The following SNTB1 variants were observed in gnomAD, a reference collection of about 807,000 sequenced individuals.
SNTB1 encodes syntrophin beta 1, also known as beta-1-syntrophin.
A neutral mutation model predicts 48.9 loss-of-function variants in SNTB1; 36 were observed. The ratio of observed to expected loss-of-function variants is 0.74; its 90% CI spans 0.56 to 0.97. The LOEUF (loss-of-function observed/expected upper bound fraction) is 0.97. Ranked by LOEUF, SNTB1 falls within the 50% of genes least tolerant of loss-of-function variation. SNTB1 has a pLI of 0.00. For synonymous variants in SNTB1, 299 were observed against 294.6 expected, an observed-to-expected ratio of 1.01 and a Z score of -0.15; for missense variants, 786 against 703.4, an observed-to-expected ratio of 1.12 and a Z score of -1.33.
intron 1 of SNTB1, among the ~76,000 whole-genome samples, chr8:120,744,964 C>T (rs1819101856): frequency 6.6e-6 from 1 of 152,186 alleles, no homozygotes; most frequent in South Asian, 2.1e-4. Context: ...CAACTTCTTG[C>T]CCCCAAATCC....
intron 1 of SNTB1, among the ~76,000 whole-genome samples, chr8:120,785,304 A>C (rs1443753488): frequency 2.0e-5 from 3 of 152,140 alleles, no homozygotes; most frequent in Non-Finnish European, 4.4e-5. Context: ...GGAAACCATG[A>C]TTTCTGTCTC....
chr8:120,802,845 C>T (rs73325158), intron 1 of SNTB1, among the ~76,000 whole-genome samples: 6,143 of 151,974 alleles, frequency 0.04, 169 homozygotes, highest in South Asian at 0.095. Context: ...TCAGAACAAA[C>T]CTACAAAGAG....
chr8:120,606,858 C>T (rs370602928), intron 3 of SNTB1, among the ~76,000 whole-genome samples: 2 of 152,136 alleles, frequency 1.3e-5, no homozygotes, highest in African/African-American at 2.4e-5. Context: ...ACACAAGAAA[C>T]GTTCCTGTTT....
intron 2 of SNTB1, chr8:120,637,628 C>T: frequency 3.8e-6 from 1 of 261,324 alleles, no homozygotes; most frequent in South Asian, 3.7e-5. Context: ...ATAAAACAGC[C>T]AGGCTTCTTA....
At chr8:120,758,618 A>G (rs2130057645) in intron 1 of SNTB1, among the ~76,000 whole-genome samples, 1 of 152,318 alleles carries the variant, frequency 6.6e-6, no homozygotes, top group South Asian at 2.1e-4. Flanking sequence ...ACTCTGATAA[A>G]AAATATAAGG....
intron 1 of SNTB1, among the ~76,000 whole-genome samples, chr8:120,796,749 C>T (rs1820125266): frequency 6.6e-6 from 1 of 152,014 alleles, no homozygotes. Context: ...TGCAAGAGAG[C>T]ATTCCTTCCC....
Position 120,763,582 on chromosome 8 carries a change from A to G in SNTB1, c.571+47691T>C, listed in dbSNP as rs574946393. ...AAAAGTCAATAAACTTGACTACATA[A>G]CAGTTAAAAAATTTTTTCTGCATGA... On this transcript the variant is annotated intron_variant, in intron 1 of 6. Transcript: ENST00000517992. 5.6e-4 allele frequency among the ~76,000 whole-genome samples: 85 copies of G among 152,332 alleles called. 1 individual carries two copies. Among genetic ancestry groups the G allele is most frequent in the Middle Eastern group, 3.4e-3 (1 of 294 alleles).
chr8:120,775,027 T>C (rs1451434086), intron 1 of SNTB1, among the ~76,000 whole-genome samples: 1 of 152,164 alleles, frequency 6.6e-6, no homozygotes, highest in African/African-American at 2.4e-5. Context: ...AGAAGTACTA[T>C]CTATGAGGCG....
intron 2 of SNTB1, among the ~76,000 whole-genome samples, chr8:120,691,457 G>A (rs1818126050): frequency 6.6e-6 from 1 of 152,200 alleles, no homozygotes; most frequent in South Asian, 2.1e-4. Flanking sequence ...AACTCAGAGA[G>A]CTGTTAAGAG....
chr8:120,595,863 C>T lies in SNTB1; in HGVS notation c.997-20638G>A, dbSNP rs1477939460. Among the ~76,000 whole-genome samples the T allele has an allele frequency of 3.9e-5, 6 of 152,206 alleles. No homozygotes were observed. In the East Asian group the frequency reaches 1.2e-3, roughly 29 times the overall value. ...CTCCCAAAGTGTTGGGATTCCTCTA[C>T]TTTCTTAATAAACTTGCTTTCACTT... On this transcript the variant is annotated intron_variant, in intron 3 of 6. Coordinates refer to ENST00000517992, the MANE Select transcript of SNTB1 (RefSeq NM_021021.4).
chr8:120,700,592 G>T (rs1430189464), intron 1 of SNTB1, among the ~76,000 whole-genome samples: 1 of 152,178 alleles, frequency 6.6e-6, no homozygotes, highest in Non-Finnish European at 1.5e-5. Context: ...GGGCGGAGAG[G>T]AGTCAGAGGT....
chr8:120,778,249 CA>C (rs1462127861), intron 1 of SNTB1, among the ~76,000 whole-genome samples: 1 of 152,198 alleles, frequency 6.6e-6, no homozygotes, highest in Non-Finnish European at 1.5e-5. Flanking sequence ...TATTTACTCA[CA>C]AAGTACAAAT....
chr8:120,581,174 C>A (rs1376543577), intron 3 of SNTB1, among the ~76,000 whole-genome samples: 1 of 151,308 alleles, frequency 6.6e-6, no homozygotes, highest in African/African-American at 2.4e-5. Flanking sequence ...GAAGAAAAGG[C>A]AAAGGAGAAT....
chr8:120,632,905 A>G (rs1412597552), intron 2 of SNTB1, among the ~76,000 whole-genome samples: 1 of 152,206 alleles, frequency 6.6e-6, no homozygotes, highest in African/African-American at 2.4e-5. Context: ...AATTAAGGTT[A>G]TCTGATTTTC....
chr8:120,555,447 G>A (rs113210463), intron 4 of SNTB1, among the ~76,000 whole-genome samples: 3,706 of 152,244 alleles, frequency 0.024, 68 homozygotes, highest in Middle Eastern at 0.037. Context: ...TATGCAAATG[G>A]ACTTTCCAGT....
intron 1 of SNTB1, among the ~76,000 whole-genome samples, chr8:120,798,552 T>C (rs750253516): frequency 6.6e-6 from 1 of 152,100 alleles, no homozygotes; most frequent in Non-Finnish European, 1.5e-5. Flanking sequence ...TTGAGAAACC[T>C]TGATGTACAC....
intron 1 of SNTB1, among the ~76,000 whole-genome samples, chr8:120,747,076 GAA>G (rs57430323): frequency 6.7e-6 from 1 of 149,492 alleles, no homozygotes; most frequent in Non-Finnish European, 1.5e-5. Context: ...AAGTAAAAAA[GAA>G]AAAAAAAGGC....
At chr8:120,583,550 C>CAA (rs1816083798) in intron 3 of SNTB1, among the ~76,000 whole-genome samples, 2 of 136,424 alleles carry the variant, frequency 1.5e-5, no homozygotes, top group African/African-American at 5.0e-5. Flanking sequence ...CACACACACA[C>CAA]ACACACACAC....
At chr8:120,569,639 C>T (rs1242623367) in intron 4 of SNTB1, among the ~76,000 whole-genome samples, 2 of 152,154 alleles carry the variant, frequency 1.3e-5, no homozygotes, top group Non-Finnish European at 2.9e-5. Context: ...CAGTCACTTG[C>T]CTGAGTCGGG....
Sources: allele counts gnomAD v4.1 joint callset (sites outside exome capture counted in the v4.1 genomes callset), GRCh38; gene constraint gnomAD v4.1.1; transcripts MANE v1.5; gene names NCBI Gene and HGNC (gene_info 2026-07-23, HGNC 2026-07-21).